The following NT5C3A variants were observed in gnomAD, a reference collection of about 807,000 sequenced individuals.
The protein encoded by NT5C3A is cytosolic 5'-nucleotidase 3A.
NT5C3A carries 23 observed loss-of-function variants against 40.0 expected under a neutral mutation model. The observed-to-expected ratio is 0.58, with a 90% CI of 0.41 to 0.81. The LOEUF (loss-of-function observed/expected upper bound fraction) is 0.81. Among genes scored for constraint, NT5C3A ranks in the 40% least tolerant of loss-of-function variants. The pLI, the probability that NT5C3A is intolerant of heterozygous loss-of-function variation, is 0.00. For synonymous variants in NT5C3A, 130 were observed against 141.4 expected (o/e 0.92, Z 0.57); for missense variants, 328 against 403.0 (o/e 0.81, Z 1.59).
In NT5C3A at chr7:33,062,574, G is replaced by C. The variant is rs550418451; in HGVS notation, c.132C>G (p.Ile44Met). 1.9e-6 allele frequency: 3 copies of C among 1,610,160 alleles called. No homozygotes were observed. In the African/African-American group the frequency reaches 4.0e-5, roughly 22 times the overall value. ...GCCGAGCCTCCACACTCACCATCTC[G>C]ATGATCTTGGTCTTCCGCCCCGTCT... Reference protein sequence around the residue: ...KRKTGRKTKIIEMMPEFQKSS... With the variant: ...KRKTGRKTKIMEMMPEFQKSS... Residue 44 changes from isoleucine to methionine, a missense_variant, in exon 1 of 9, where the codon ATC becomes ATG. This residue lies in a region of NT5C3A where 280 missense variants were observed against 317.2 expected (regional missense o/e 0.88). Coordinates refer to ENST00000610140, the MANE Select transcript of NT5C3A (RefSeq NM_001002010.5).
chr7:33,056,728 G>A (rs769049639), intron 1 of NT5C3A, among the ~76,000 whole-genome samples: 11 of 152,022 alleles, frequency 7.2e-5, no homozygotes, highest in Non-Finnish European at 1.6e-4. Context: ...TAAAACTTGG[G>A]TTGCTTCTCC....
At chr7:33,038,734 A>C (rs1786741085) in intron 1 of NT5C3A, 2 of 413,780 alleles carry the variant, frequency 4.8e-6, no homozygotes, top group Non-Finnish European at 9.5e-6. Flanking sequence ...CACTATTCTA[A>C]GGAAGACACT....
At chr7:33,036,266 G>A in intron 1 of NT5C3A, 1 of 425,098 alleles carries the variant, frequency 2.4e-6, no homozygotes, top group Non-Finnish European at 4.4e-6. Context: ...AACACCGGCG[G>A]CACATATTGA....
At chr7:33,021,698 CG>C in intron 4 of NT5C3A, 1 of 394,620 alleles carries the variant, frequency 2.5e-6, no homozygotes, top group East Asian at 5.2e-5. Context: ...CATACTCAAG[CG>C]AAGTACTGAA....
chr7:33,046,378 A>C (rs1461975485), intron 1 of NT5C3A, among the ~76,000 whole-genome samples: 3 of 152,112 alleles, frequency 2.0e-5, no homozygotes, highest in African/African-American at 7.2e-5. Context: ...ATCCACAAAA[A>C]ATGTTAAAAA....
In NT5C3A at chr7:33,037,576, C is replaced by T. The variant is rs564179952; in HGVS notation, c.139-10661G>A. Among the ~76,000 whole-genome samples the T allele has an allele frequency of 5.3e-5, 8 of 152,190 alleles. No homozygotes were observed. The East Asian group carries it at 1.2e-3, about 22-fold the overall frequency. On this transcript the variant is annotated intron_variant, in intron 1 of 8. Coordinates refer to ENST00000610140, the MANE Select transcript of NT5C3A (RefSeq NM_001002010.5). ...TCAAATTTTCTCAAATTCTAAAATT[C>T]GGTCCCTACTCCCTTCCATTTTAAG...
rs1409132600 is a variant in NT5C3A at position 33,015,611 on chromosome 7, G to A, written c.894+59C>T. The stretch of plus-strand genomic sequence containing the variant: ...TTCTCAGGTGACTATGGCAACAATT[G>A]CCTATCAAGTTTCATCCTAATATTT... On this transcript the variant is annotated intron_variant, in intron 8 of 8. Coordinates refer to ENST00000610140, the MANE Select transcript of NT5C3A (RefSeq NM_001002010.5). 30 of 1,093,938 alleles carry A rather than the reference G, an allele frequency of 2.7e-5. No individual in the cohort carries two copies. The highest frequency in any genetic ancestry group is 7.1e-5 in the East Asian group (3 of 42,138). The allele number at this position is 1,093,938 out of a possible 1,614,324, so 67.8% of individuals were successfully genotyped here.
At chr7:33,051,117 ACT>A (rs1051502361) in intron 1 of NT5C3A, among the ~76,000 whole-genome samples, 1 of 151,918 alleles carries the variant, frequency 6.6e-6, no homozygotes, top group Non-Finnish European at 1.5e-5. Flanking sequence ...CTCTTTAATA[ACT>A]CTCTCTAAAT....
intron 1 of NT5C3A, among the ~76,000 whole-genome samples, chr7:33,032,880 A>G (rs1786361726): frequency 6.6e-6 from 1 of 152,092 alleles, no homozygotes; most frequent in South Asian, 2.1e-4. Context: ...TAGCCTCCAG[A>G]GTAGCTGGGA....
intron 3 of NT5C3A, 191 bp downstream of exon 3, chr7:33,023,848 A>T (rs1447596316): frequency 1.7e-6 from 1 of 575,638 alleles, no homozygotes; most frequent in African/African-American, 1.9e-5. Flanking sequence ...TACCAAAACC[A>T]TACATGAAAA....
chr7:33,056,855 T>C (rs1200905142), intron 1 of NT5C3A, among the ~76,000 whole-genome samples: 1 of 152,112 alleles, frequency 6.6e-6, no homozygotes, highest in Non-Finnish European at 1.5e-5. Flanking sequence ...CTTGTTCCCC[T>C]GGCTGGCGTG....
chr7:33,052,636 C>A (rs994270080), intron 1 of NT5C3A, among the ~76,000 whole-genome samples: 2 of 151,916 alleles, frequency 1.3e-5, no homozygotes, highest in African/African-American at 4.8e-5. Context: ...ATATCCTCAT[C>A]ACTCTCTCTT....
At chr7:33,024,956 A>G (rs1328715865) in intron 2 of NT5C3A, among the ~76,000 whole-genome samples, 1 of 152,060 alleles carries the variant, frequency 6.6e-6, no homozygotes, top group Non-Finnish European at 1.5e-5. Flanking sequence ...CCTGGCCAAG[A>G]TGGTAAAACC....
chr7:33,060,715 G>C (rs1210364885), intron 1 of NT5C3A, among the ~76,000 whole-genome samples: 1 of 152,128 alleles, frequency 6.6e-6, no homozygotes, highest in Non-Finnish European at 1.5e-5. Context: ...GGTTTGCAGA[G>C]ATTTTTCTGA....
chr7:33,028,633 C>T (rs924142043), intron 1 of NT5C3A, among the ~76,000 whole-genome samples: 8 of 152,168 alleles, frequency 5.3e-5, no homozygotes, highest in African/African-American at 1.7e-4. Context: ...GACCTTCTAT[C>T]TTTGCTACAA....
In NT5C3A at chr7:33,014,866, C is replaced by T. The variant is rs1441431636; in HGVS notation, c.895-35G>A. 3.2e-6 allele frequency: 5 copies of T among 1,554,112 alleles called. No individual in the cohort carries two copies. In the East Asian group the frequency reaches 9.0e-5, roughly 28 times the overall value. On this transcript the variant is annotated intron_variant, in intron 8 of 8. Coordinates refer to ENST00000610140, the MANE Select transcript of NT5C3A (RefSeq NM_001002010.5). ...AGATGAACAAAAGAAAATTAACATG[C>T]AGGGCAAAGAAACAAATAATTTCAG...
At chr7:33,014,893 A>T (rs1785241432) in intron 8 of NT5C3A, 62 bp from the exon 9 acceptor site, 3 of 1,404,914 alleles carry the variant, frequency 2.1e-6, no homozygotes, top group African/African-American at 2.8e-5. Context: ...TAATTTCAGT[A>T]TGAATCTCGT....
intron 1 of NT5C3A, among the ~76,000 whole-genome samples, chr7:33,047,995 T>A (rs1787221532): frequency 1.0e-5 from 1 of 100,006 alleles, no homozygotes. Flanking sequence ...TTTATATGTG[T>A]ATGTGTGTGT....
At chr7:33,058,953 A>G (rs1411920069) in intron 1 of NT5C3A, among the ~76,000 whole-genome samples, 1 of 152,192 alleles carries the variant, frequency 6.6e-6, no homozygotes, top group Non-Finnish European at 1.5e-5. Flanking sequence ...AGCCTTTCAG[A>G]CCAACTTCTG....
Sources: allele counts gnomAD v4.1 joint callset (sites outside exome capture counted in the v4.1 genomes callset), GRCh38; gene constraint gnomAD v4.1.1; regional missense constraint gnomAD v4.1.1; transcripts MANE v1.5; gene names NCBI Gene and HGNC (gene_info 2026-07-23, HGNC 2026-07-21).